FRK: variants seen among roughly 807,000 people sequenced by gnomAD.
The protein encoded by FRK is tyrosine-protein kinase FRK.
In FRK, 51 loss-of-function variants were observed where a neutral mutation model predicts 56.4. That is an observed-to-expected ratio of 0.90 (90% CI 0.72 to 1.14). FRK has a LOEUF of 1.14. FRK is among the 50% of genes most tolerant of loss of function. FRK has a pLI of 0.00. For missense variants in FRK, 570 were observed against 601.4 expected, an observed-to-expected ratio of 0.95 and a Z score of 0.55; for synonymous variants, 245 against 217.9, an observed-to-expected ratio of 1.12 and a Z score of -1.10.
chr6:116,068,133 T>C, the FRK span, among the ~76,000 whole-genome samples: 1 of 152,150 alleles, frequency 6.6e-6, no homozygotes, highest in South Asian at 2.1e-4. Context: ...CAAGAATCCG[T>C]TAAAATGAAA....
intron 1 of FRK, among the ~76,000 whole-genome samples, chr6:116,047,024 C>CAT (rs960217185): frequency 1.3e-5 from 2 of 150,570 alleles, no homozygotes; most frequent in Non-Finnish European, 3.0e-5. Context: ...TCATGAGTTA[C>CAT]ATATATATAT....
At chr6:116,095,054 G>T in the FRK span, among the ~76,000 whole-genome samples, 1 of 152,210 alleles carries the variant, frequency 6.6e-6, no homozygotes, top group East Asian at 1.9e-4. Flanking sequence ...AAGGGCATAG[G>T]CCGAAAATAC....
chr6:116,039,630 T>C, intron 1 of FRK: 2 of 756,910 alleles, frequency 2.6e-6, no homozygotes, highest in East Asian at 5.0e-5. Flanking sequence ...AAACTGTACC[T>C]TCCTTTACTG....
intron 1 of FRK, among the ~76,000 whole-genome samples, chr6:116,051,371 C>G (rs1335272748): frequency 1.3e-5 from 2 of 152,014 alleles, no homozygotes; most frequent in African/African-American, 4.8e-5. Flanking sequence ...ATCTGACATT[C>G]AATCGACTCA....
chr6:116,010,572 A>T (rs770378944), intron 1 of FRK, among the ~76,000 whole-genome samples: 1 of 152,220 alleles, frequency 6.6e-6, no homozygotes, highest in Non-Finnish European at 1.5e-5. Flanking sequence ...CCAGGATTTC[A>T]AATCTGAATG....
At chr6:116,038,438 G>A in intron 1 of FRK, among the ~76,000 whole-genome samples, 1 of 152,060 alleles carries the variant, frequency 6.6e-6, no homozygotes, top group Non-Finnish European at 1.5e-5. Flanking sequence ...AAAAGAGAGT[G>A]TGAGAAGGAA....
At chr6:116,042,668 C>T (rs1056307234) in intron 1 of FRK, among the ~76,000 whole-genome samples, 4 of 152,120 alleles carry the variant, frequency 2.6e-5, no homozygotes, top group Non-Finnish European at 5.9e-5. Flanking sequence ...TGTGAAGAAA[C>T]TACATCAACT....
chr6:116,023,232 T>A (rs959511258), intron 1 of FRK, among the ~76,000 whole-genome samples: 1 of 152,200 alleles, frequency 6.6e-6, no homozygotes, highest in Non-Finnish European at 1.5e-5. Context: ...TATTTGGCAA[T>A]ATCTTATAAA....
the FRK span, among the ~76,000 whole-genome samples, chr6:116,094,935 T>C: frequency 6.6e-6 from 1 of 152,214 alleles, no homozygotes; most frequent in African/African-American, 2.4e-5. Context: ...AAAAACAGCG[T>C]ACCATATTCC....
chr6:116,009,841 T>C (rs1685252650), intron 1 of FRK, among the ~76,000 whole-genome samples: 1 of 152,130 alleles, frequency 6.6e-6, no homozygotes, highest in African/African-American at 2.4e-5. Context: ...CTGCAGGACA[T>C]TGTTGTATAA....
chr6:116,098,892 G>T, the FRK span, among the ~76,000 whole-genome samples: 2 of 152,196 alleles, frequency 1.3e-5, no homozygotes, highest in African/African-American at 4.8e-5. Context: ...ACTGAGGTTT[G>T]AGGTACAAAG....
At chr6:116,075,925 G>A in the FRK span, among the ~76,000 whole-genome samples, 3 of 151,126 alleles carry the variant, frequency 2.0e-5, no homozygotes, top group East Asian at 1.9e-4. Context: ...AATTTAATGA[G>A]ATGATAAATG....
chr6:116,054,535 GTATAA>G (rs1472097592), intron 1 of FRK, among the ~76,000 whole-genome samples: 1 of 141,688 alleles, frequency 7.1e-6, no homozygotes, highest in Non-Finnish European at 1.5e-5. Context: ...ATATTATATA[GTATAA>G]TATAGTATAA....
the FRK span, among the ~76,000 whole-genome samples, chr6:116,068,336 C>T: frequency 1.3e-5 from 2 of 151,486 alleles, no homozygotes; most frequent in African/African-American, 4.9e-5. Context: ...GTGAGTGAGT[C>T]TTGGAATTTA....
intron 2 of FRK, among the ~76,000 whole-genome samples, chr6:115,994,040 C>A (rs1240829242): frequency 6.6e-6 from 1 of 151,964 alleles, no homozygotes; most frequent in Non-Finnish European, 1.5e-5. Context: ...TTATAGTATT[C>A]TTTTTCCCAA....
chr6:116,085,786 GGA>G, the FRK span, among the ~76,000 whole-genome samples: 7 of 152,176 alleles, frequency 4.6e-5, no homozygotes, highest in Admixed American at 2.0e-4. Context: ...ATATGAACAC[GGA>G]GATTCTGTAG....
chr6:116,075,818 T>C, the FRK span, among the ~76,000 whole-genome samples: 58,114 of 152,038 alleles, frequency 0.38, 12,270 homozygotes, highest in East Asian at 0.77. Context: ...AAGAAGGCTG[T>C]TAAGGCTGGA....
At chr6:116,099,186 TCA>T in the FRK span, among the ~76,000 whole-genome samples, 1 of 152,296 alleles carries the variant, frequency 6.6e-6, no homozygotes, top group African/African-American at 2.4e-5. Context: ...AATTTCCTGT[TCA>T]CAATTCAGCA....
rs1773856836 is a variant in FRK, at chr6:115,972,766, A to G, written c.467-4027T>C. ...CATGTATTGACCCAAACACCATGCT[A>G]AGCATGATTTTACATTATTTTGTTG... On this transcript the variant is annotated intron_variant, in intron 2 of 7. Transcript: ENST00000606080. 2.6e-5 allele frequency among the ~76,000 whole-genome samples: 4 copies of G among 152,202 alleles called. 1 individual carries two copies. In the South Asian group the frequency reaches 8.3e-4, roughly 32 times the overall value.
Sources: gnomAD v4.1 joint callset for allele counts (sites outside exome capture counted in the v4.1 genomes callset) on GRCh38, gnomAD v4.1.1 for gene constraint, MANE v1.5 for transcripts, NCBI Gene and HGNC (gene_info 2026-07-23, HGNC 2026-07-21) for gene names.